TMEFF2: variants seen among roughly 807,000 people sequenced by gnomAD.
TMEFF2 encodes the protein transmembrane protein with EGF like and two follistatin like domains 2, also known as tomoregulin-2.
TMEFF2 carries 28 observed loss-of-function variants against 53.8 expected under a neutral mutation model. The ratio of observed to expected loss-of-function variants is 0.52; its 90% confidence interval spans 0.39 to 0.71. The LOEUF is 0.71. Among genes scored for constraint, TMEFF2 ranks in the 30% least tolerant of loss-of-function variants. TMEFF2 has a pLI of 0.00. For missense variants in TMEFF2, 353 were observed against 455.2 expected, an observed-to-expected ratio of 0.78 and a Z score of 2.04; for synonymous variants, 162 against 166.3, an observed-to-expected ratio of 0.97 and a Z score of 0.20.
chr2:192,014,991 C>T (rs1004687302), intron 5 of TMEFF2, among the ~76,000 whole-genome samples: 17 of 152,096 alleles, frequency 1.1e-4, no homozygotes, highest in Admixed American at 3.9e-4. Context: ...GGCATCTTTG[C>T]AGTAAATGTA....
chr2:191,990,441 T>G (rs956085290), intron 7 of TMEFF2, among the ~76,000 whole-genome samples: 2 of 4,696 alleles, frequency 4.3e-4, no homozygotes, highest in South Asian at 6.7e-3. Flanking sequence ...GTGTGTTGTT[T>G]TTGTTCGAAA....
intron 5 of TMEFF2, among the ~76,000 whole-genome samples, chr2:192,022,848 G>A (rs1686887375): frequency 6.6e-6 from 1 of 151,944 alleles, no homozygotes; most frequent in African/African-American, 2.4e-5. Context: ...TACTTGCCAG[G>A]AGCTGTGCTA....
At chr2:192,105,610 G>A (rs1378201718) in intron 4 of TMEFF2, among the ~76,000 whole-genome samples, 1 of 151,914 alleles carries the variant, frequency 6.6e-6, no homozygotes, top group Non-Finnish European at 1.5e-5. Context: ...ACCTAGGCAA[G>A]TTAACTTCAG....
At chr2:191,998,205 C>CGAAAT (rs1424345894) in intron 7 of TMEFF2, 57 bp downstream of exon 7, 2 of 1,362,802 alleles carry the variant, frequency 1.5e-6, no homozygotes, top group African/African-American at 1.5e-5. Context: ...ACAACCATTT[C>CGAAAT]CCAGGACTCT....
At chr2:191,979,823 A>AATATATATCT (rs200183439) in intron 7 of TMEFF2, among the ~76,000 whole-genome samples, 1,943 of 150,442 alleles carry the variant, frequency 0.013, 33 homozygotes, top group African/African-American at 0.046. Flanking sequence ...ATTTATGATT[A>AATATATATCT]ATATATATCT....
At chr2:192,118,940 C>T (rs1317434253) in intron 4 of TMEFF2, among the ~76,000 whole-genome samples, 3 of 152,048 alleles carry the variant, frequency 2.0e-5, no homozygotes, top group Non-Finnish European at 1.5e-5. Context: ...AAGCATACTA[C>T]TTGACAATAC....
intron 7 of TMEFF2, among the ~76,000 whole-genome samples, chr2:191,967,753 G>T (rs573081911): frequency 1.3e-4 from 20 of 152,166 alleles, no homozygotes; most frequent in African/African-American, 4.1e-4. Context: ...CTGGTCCCAG[G>T]TCTATCTTAG....
intron 4 of TMEFF2, among the ~76,000 whole-genome samples, chr2:192,067,994 C>T (rs1688205069): frequency 6.6e-6 from 1 of 151,896 alleles, no homozygotes; most frequent in Non-Finnish European, 1.5e-5. Context: ...GATAGTGACA[C>T]TTAAAACTGA....
intron 4 of TMEFF2, among the ~76,000 whole-genome samples, chr2:192,071,172 A>T (rs1688286358): frequency 6.6e-6 from 1 of 151,922 alleles, no homozygotes; most frequent in South Asian, 2.1e-4. Context: ...TACTGGGGAC[A>T]GGTGTAATGT....
At chr2:192,000,668 G>C (rs981923612) in intron 5 of TMEFF2, among the ~76,000 whole-genome samples, 6 of 152,166 alleles carry the variant, frequency 3.9e-5, no homozygotes, top group Admixed American at 3.9e-4. Flanking sequence ...ATACACACCA[G>C]TGCATCTCAG....
chr2:192,142,721 A>T (rs1690167185), intron 4 of TMEFF2, among the ~76,000 whole-genome samples: 1 of 152,170 alleles, frequency 6.6e-6, no homozygotes, highest in South Asian at 2.1e-4. Context: ...AACGCAGACT[A>T]TACCTACAGA....
intron 7 of TMEFF2, among the ~76,000 whole-genome samples, chr2:191,965,022 T>G (rs1277580853): frequency 2.0e-5 from 3 of 152,184 alleles, no homozygotes; most frequent in African/African-American, 7.2e-5. Context: ...CCTAAGGTTC[T>G]TCTCTTGTTG....
intron 5 of TMEFF2, among the ~76,000 whole-genome samples, chr2:192,055,213 A>G (rs770873842): frequency 2.0e-5 from 3 of 152,234 alleles, no homozygotes; most frequent in African/African-American, 7.2e-5. Context: ...TCTTATGACT[A>G]CAGAAGAGCC....
At chr2:192,157,921 C>T (rs933961984) in intron 4 of TMEFF2, among the ~76,000 whole-genome samples, 3 of 152,064 alleles carry the variant, frequency 2.0e-5, no homozygotes, top group Non-Finnish European at 2.9e-5. Context: ...ACTTCCATGT[C>T]TTCATGTGCG....
At chr2:192,056,008 C>G (rs571494175) in intron 5 of TMEFF2, among the ~76,000 whole-genome samples, 3 of 152,170 alleles carry the variant, frequency 2.0e-5, no homozygotes, top group South Asian at 2.1e-4. Flanking sequence ...CTTGTAAGTA[C>G]GTAGTTTACC....
intron 5 of TMEFF2, among the ~76,000 whole-genome samples, chr2:192,045,906 C>T (rs1687607880): frequency 1.3e-5 from 2 of 152,290 alleles, no homozygotes; most frequent in Admixed American, 1.3e-4. Context: ...CCAAAACTAC[C>T]ATCCATGGAC....
intron 5 of TMEFF2, among the ~76,000 whole-genome samples, chr2:192,029,803 A>G (rs1471446767): frequency 1.3e-5 from 2 of 152,226 alleles, no homozygotes; most frequent in African/African-American, 4.8e-5. Context: ...GAGATAGATA[A>G]CATTTTTAAA....
chr2:192,024,261 C>A (rs1686919636), intron 5 of TMEFF2, among the ~76,000 whole-genome samples: 1 of 152,190 alleles, frequency 6.6e-6, no homozygotes. Context: ...TAGGCCAACA[C>A]ATTATTTCAA....
At position 192,055,163 on chromosome 2, in the gene TMEFF2, G is replaced by A. The variant is rs758055344; in HGVS notation, c.536+2516C>T. On this transcript the variant is annotated intron_variant, in intron 5 of 9. Transcript: ENST00000272771. Reference sequence around the variant, plus strand: ...GCAGTCACCAATAAACGTTAGAAACGAAATATTTTAAGGATACATTTCCTA... The same window carrying A: ...GCAGTCACCAATAAACGTTAGAAACAAAATATTTTAAGGATACATTTCCTA... Among the ~76,000 whole-genome samples the A allele has an allele frequency of 6.6e-5, 10 of 152,136 alleles. No individual in the cohort carries two copies. The South Asian group carries it at 1.5e-3, about 22-fold the overall frequency.
Sources: gnomAD v4.1 joint callset for allele counts (sites outside exome capture counted in the v4.1 genomes callset) on GRCh38, gnomAD v4.1.1 for gene constraint, MANE v1.5 for transcripts, NCBI Gene and HGNC (gene_info 2026-07-23, HGNC 2026-07-21) for gene names.